Variants in CFTR observed in about 807,000 individuals in gnomAD.
CFTR encodes the protein cystic fibrosis transmembrane conductance regulator.
In CFTR, 181 loss-of-function variants were observed where a neutral mutation model predicts 171.6. That is an observed-to-expected ratio of 1.05 (90% CI 0.93 to 1.19). The LOEUF (loss-of-function observed/expected upper bound fraction) is 1.19. Among genes scored for constraint, CFTR ranks in the 50% most tolerant of loss-of-function variants. The pLI is 0.00. For missense variants in CFTR, 1,968 were observed against 1,734.7 expected (o/e 1.13, Z -2.39); for synonymous variants, 583 against 608.0 (o/e 0.96, Z 0.60).
intron 9 of CFTR, among the ~76,000 whole-genome samples, chr7:117,545,762 C>A (rs577462052): frequency 1.3e-3 from 204 of 152,168 alleles, no homozygotes; most frequent in African/African-American, 4.8e-3. Context: ...GCTTCTGTGA[C>A]TCCAAAGCCC....
At chr7:117,619,752 A>G (rs777661220) in intron 21 of CFTR, among the ~76,000 whole-genome samples, 1 of 152,190 alleles carries the variant, frequency 6.6e-6, no homozygotes, top group Non-Finnish European at 1.5e-5. Context: ...CACCAGGGTG[A>G]GCAGGGAAGG....
intron 3 of CFTR, among the ~76,000 whole-genome samples, chr7:117,519,214 C>T (rs1798648087): frequency 6.6e-6 from 1 of 151,818 alleles, no homozygotes; most frequent in East Asian, 1.9e-4. Context: ...ACAATTGTGG[C>T]AAAATGAAGG....
In CFTR at chr7:117,504,421, A is replaced by G. The variant is rs977542098; in HGVS notation, c.164+58A>G. On this transcript the variant is annotated intron_variant, in intron 2 of 26. Coordinates refer to ENST00000003084, the MANE Select transcript of CFTR (RefSeq NM_000492.4). ...GAAATTCATATTATTAATTATTTAG[A>G]GAAGAGAAAGCAAACATATTATAAG... 7.9e-6 allele frequency: 7 copies of G among 891,044 alleles called. No individual in the cohort carries two copies. In the African/African-American group the frequency reaches 1.2e-4, roughly 15 times the overall value. The allele number at this position is 891,044 out of a possible 1,614,324, so 55.2% of individuals were successfully genotyped here.
intron 7 of CFTR, 134 bp from the exon 8 acceptor site, chr7:117,539,966 C>G: frequency 9.8e-6 from 7 of 712,126 alleles, no homozygotes; most frequent in Non-Finnish European, 1.7e-5. Context: ...TCACACAGGT[C>G]ATATGATGTG....
chr7:117,628,389 AT>A (rs1394810290), intron 22 of CFTR, among the ~76,000 whole-genome samples: 1 of 152,200 alleles, frequency 6.6e-6, no homozygotes, highest in African/African-American at 2.4e-5. Flanking sequence ...AGGGATGGTC[AT>A]TATCCATATA....
rs752396903 is a variant in CFTR at position 117,652,777 on chromosome 7, TAAGGGAAAAATAAA to T, written c.3874-61_3874-48del. On this transcript the variant is annotated intron_variant, in intron 23 of 26. Coordinates refer to ENST00000003084, the MANE Select transcript of CFTR (RefSeq NM_000492.4). ...CTACTTGAAATATTTTACAATACAA[TAAGGGAAAAATAAA>T]AAGTTATTTAAGTTATTCATACTTT... 56 of 808,882 alleles carry T rather than the reference TAAGGGAAAAATAAA, an allele frequency of 6.9e-5. No individual in the cohort carries two copies. The highest frequency in any genetic ancestry group is 9.3e-5 in the South Asian group (6 of 64,200). The allele number at this position is 808,882 out of a possible 1,614,324, so 50.1% of individuals were successfully genotyped here. A position where few individuals can be genotyped will look rare whatever the true frequency, so the allele number is the denominator to read the frequency against.
chr7:117,636,474 A>G (rs1792828367), intron 22 of CFTR, among the ~76,000 whole-genome samples: 1 of 151,516 alleles, frequency 6.6e-6, no homozygotes, highest in Admixed American at 6.6e-5. Context: ...TGCTTCAAAT[A>G]TTTCTTCTGT....
At chr7:117,652,965 G>T (rs1444919961) in intron 24 of CFTR, 34 bp downstream of exon 24, 1 of 1,273,024 alleles carries the variant, frequency 7.9e-7, no homozygotes, top group Non-Finnish European at 1.1e-6. Flanking sequence ...TTTGAAAGGG[G>T]TAACTCATAC....
Position 117,575,537 on chromosome 7 carries a change from G to C in CFTR, c.1585-12202G>C, listed in dbSNP as rs143532442. 6.4e-3 allele frequency among the ~76,000 whole-genome samples: 975 copies of C among 152,258 alleles called. 3 individuals carry two copies. Among genetic ancestry groups the C allele is most frequent in the Non-Finnish European group, 0.01 (688 of 68,010 alleles). ...AAATCCTGCACTGAGTTTGTCTCAA[G>C]ATTTCTTGCACGTGAATGAATGAGT... On this transcript the variant is annotated intron_variant, in intron 11 of 26. Coordinates refer to ENST00000003084, the MANE Select transcript of CFTR (RefSeq NM_000492.4).
chr7:117,665,629 G>A lies in CFTR; in HGVS notation c.4242+65G>A, dbSNP rs1265353106. The A allele has an allele frequency of 2.9e-6, 3 of 1,019,548 alleles. No homozygotes were observed. In the African/African-American group the frequency reaches 4.7e-5, roughly 16 times the overall value. The allele number at this position is 1,019,548 out of a possible 1,614,324, so 63.2% of individuals were successfully genotyped here. A position where few individuals can be genotyped will look rare whatever the true frequency, so the allele number is the denominator to read the frequency against. On this transcript the variant is annotated intron_variant, in intron 26 of 26. Coordinates refer to ENST00000003084, the MANE Select transcript of CFTR (RefSeq NM_000492.4). The stretch of plus-strand genomic sequence containing the variant: ...GTAATTCTTGATAACAATCTCACAT[G>A]TGATAGTTCCTGCAAATTGCAACAA...
At chr7:117,635,135 G>T (rs990410423) in intron 22 of CFTR, among the ~76,000 whole-genome samples, 2 of 152,002 alleles carry the variant, frequency 1.3e-5, no homozygotes, top group South Asian at 2.1e-4. Context: ...ATGCTTTGTT[G>T]CTAGAAACAT....
intron 6 of CFTR, among the ~76,000 whole-genome samples, chr7:117,535,691 C>T (rs940559741): frequency 6.6e-6 from 1 of 151,946 alleles, no homozygotes; most frequent in African/African-American, 2.4e-5. Flanking sequence ...CATGCCACCA[C>T]ACCCAGCTAA....
At chr7:117,598,131 G>A (rs1021525578) in intron 15 of CFTR, among the ~76,000 whole-genome samples, 2 of 152,174 alleles carry the variant, frequency 1.3e-5, no homozygotes, top group Admixed American at 6.5e-5. Context: ...CAGAGATCCA[G>A]CTTTTTTTGG....
intron 8 of CFTR, among the ~76,000 whole-genome samples, chr7:117,541,101 C>T (rs2115879143): frequency 6.6e-6 from 1 of 152,296 alleles, no homozygotes; most frequent in South Asian, 2.1e-4. Context: ...CAGTCCCATT[C>T]CTTCATTATA....
chr7:117,631,871 A>G (rs1792752202), intron 22 of CFTR, among the ~76,000 whole-genome samples: 1 of 152,176 alleles, frequency 6.6e-6, no homozygotes, highest in South Asian at 2.1e-4. Context: ...ACAGATGACA[A>G]TCTGGGCTTG....
At chr7:117,542,220 A>C (rs1799067482) in intron 9 of CFTR, 112 bp downstream of exon 9, 2 of 687,948 alleles carry the variant, frequency 2.9e-6, no homozygotes, top group Non-Finnish European at 5.4e-6. Flanking sequence ...TAACTGGTAG[A>C]ACTGGAAGGA....
At chr7:117,612,893 G>A (rs553732805) in intron 20 of CFTR, among the ~76,000 whole-genome samples, 2 of 152,218 alleles carry the variant, frequency 1.3e-5, no homozygotes, top group South Asian at 4.1e-4. Context: ...TTGACTTTAT[G>A]TAGTGTCTCC....
At chr7:117,637,614 C>T (rs950996824) in intron 22 of CFTR, among the ~76,000 whole-genome samples, 2 of 152,060 alleles carry the variant, frequency 1.3e-5, no homozygotes, top group Non-Finnish European at 2.9e-5. Flanking sequence ...CGGTGGCTCA[C>T]GCCTGTAATC....
At chr7:117,600,179 T>C (rs930268586) in intron 15 of CFTR, among the ~76,000 whole-genome samples, 7 of 152,100 alleles carry the variant, frequency 4.6e-5, no homozygotes, top group South Asian at 2.1e-4. Context: ...CTTACCATTT[T>C]GGAAAGAGAG....
Sources: allele counts gnomAD v4.1 joint callset (sites outside exome capture counted in the v4.1 genomes callset), GRCh38; gene constraint gnomAD v4.1.1; transcripts MANE v1.5; gene names NCBI Gene and HGNC (gene_info 2026-07-23, HGNC 2026-07-21).